Variants in HTR2C observed in about 807,000 individuals in gnomAD.
HTR2C encodes 5-hydroxytryptamine (serotonin) receptor 2C, G protein-coupled.
Under a neutral mutation model 21.0 loss-of-function variants are expected in HTR2C, and 5 were observed. The observed-to-expected ratio is 0.24, with a 90% CI of 0.12 to 0.50. HTR2C has a LOEUF of 0.50. HTR2C is among the 20% of genes least tolerant of loss of function. The probability of loss-of-function intolerance (pLI) is 0.98; values close to 1 mark genes in which losing one functional copy is unlikely to be tolerated. For synonymous variants in HTR2C, 150 were observed against 145.3 expected (o/e 1.03, Z -0.23); for missense variants, 271 against 371.2 (o/e 0.73, Z 2.22).
chrX:114,797,508 A>G (rs1473282494), intron 4 of HTR2C, among the ~76,000 whole-genome samples: 1 of 110,138 alleles, frequency 9.1e-6, no homozygotes, highest in Non-Finnish European at 1.9e-5. Context: ...AACCTATGCC[A>G]CAGTGTATAT....
chrX:114,849,802 A>C (rs1184510656), intron 5 of HTR2C, among the ~76,000 whole-genome samples: 1 of 112,134 alleles, frequency 8.9e-6, no homozygotes, highest in African/African-American at 3.2e-5. Context: ...ACAAACAAAA[A>C]AAACCCCATA....
chrX:114,666,559 A>G (rs1931186339), intron 2 of HTR2C, among the ~76,000 whole-genome samples: 1 of 111,674 alleles, frequency 9.0e-6, no homozygotes, highest in African/African-American at 3.2e-5. Context: ...CAAAAGTTAC[A>G]TTTTAGATTT....
intron 2 of HTR2C, among the ~76,000 whole-genome samples, chrX:114,726,263 G>T (rs1933472724): frequency 8.9e-6 from 1 of 112,403 alleles, no homozygotes; most frequent in Non-Finnish European, 1.9e-5. Flanking sequence ...ATTGGGGTGG[G>T]AGTGACCCGA....
chrX:114,737,463 G>A (rs782130433), intron 4 of HTR2C, among the ~76,000 whole-genome samples: 1 of 110,399 alleles, frequency 9.1e-6, no homozygotes, highest in Non-Finnish European at 1.9e-5. Context: ...CAAGTGATCC[G>A]CCCGCCTCAG....
intron 1 of HTR2C, among the ~76,000 whole-genome samples, chrX:114,591,294 T>C (rs372475787): frequency 1.8e-5 from 2 of 111,831 alleles, no homozygotes; most frequent in East Asian, 2.8e-4. Flanking sequence ...CTGGTGTCTC[T>C]CCAACAAATA....
At chrX:114,826,408 G>C (rs2070678735) in intron 4 of HTR2C, among the ~76,000 whole-genome samples, 1 of 111,603 alleles carries the variant, frequency 9.0e-6, no homozygotes, top group South Asian at 3.7e-4. Context: ...GCCACAAGTA[G>C]AAAATTTCTC....
intron 2 of HTR2C, among the ~76,000 whole-genome samples, chrX:114,687,481 T>C (rs1003979924): frequency 1.8e-5 from 2 of 112,050 alleles, no homozygotes; most frequent in Non-Finnish European, 1.9e-5. Context: ...TATTTGTAAT[T>C]CTTTTATCAA....
At chrX:114,745,556 G>C (rs1351350758) in intron 4 of HTR2C, among the ~76,000 whole-genome samples, 4 of 112,032 alleles carry the variant, frequency 3.6e-5, no homozygotes, top group African/African-American at 1.3e-4. Flanking sequence ...CAACCTAAAT[G>C]TCCACCAACA....
At chrX:114,761,385 G>C (rs1380127429) in intron 4 of HTR2C, among the ~76,000 whole-genome samples, 2 of 110,735 alleles carry the variant, frequency 1.8e-5, no homozygotes, top group Non-Finnish European at 3.8e-5. Context: ...CTAACCAACC[G>C]GTTAAGTATG....
intron 2 of HTR2C, among the ~76,000 whole-genome samples, chrX:114,630,359 AAAT>A (rs1199813932): frequency 8.9e-6 from 1 of 112,107 alleles, no homozygotes; most frequent in Non-Finnish European, 1.9e-5. Context: ...TAATTTGAAA[AAAT>A]AAAAAAGAGA....
chrX:114,806,201 CAT>C lies in HTR2C; in HGVS notation c.350-41794_350-41793del, dbSNP rs200765970. ...CCCTATATATACACCATATATATAC[CAT>C]ATATATACACTCTATATACCATATA... is the stretch of plus-strand genomic sequence containing the variant. On this transcript the variant is annotated intron_variant, in intron 4 of 5. Transcript: ENST00000276198. 5.7e-3 allele frequency among the ~76,000 whole-genome samples: 546 copies of C among 96,501 alleles called. 4 individuals are homozygous for C. The highest frequency in any genetic ancestry group is 0.019 in the African/African-American group (506 of 26,765). 83.8% of individuals were successfully genotyped at this position (96,501 alleles called of 115,157 possible). A position where few individuals can be genotyped will look rare whatever the true frequency, so the allele number is the denominator to read the frequency against.
chrX:114,779,568 A>G (rs2070095652), intron 4 of HTR2C, among the ~76,000 whole-genome samples: 1 of 111,527 alleles, frequency 9.0e-6, no homozygotes, highest in South Asian at 3.7e-4. Flanking sequence ...AAATCCTTCC[A>G]ACTCAAGCAG....
chrX:114,829,704 G>A (rs1427666666), intron 4 of HTR2C, among the ~76,000 whole-genome samples: 2 of 111,531 alleles, frequency 1.8e-5, no homozygotes, highest in African/African-American at 6.5e-5. Context: ...ATATCTACAT[G>A]CAATTTTCCC....
intron 4 of HTR2C, among the ~76,000 whole-genome samples, chrX:114,781,106 G>A (rs1383585231): frequency 9.0e-6 from 1 of 111,363 alleles, no homozygotes; most frequent in African/African-American, 3.3e-5. Context: ...AAGCTGAAGA[G>A]AGAATTCATA....
Position 114,726,978 on chromosome X carries a change from A to G in HTR2C, c.35+7A>G. The G allele has an allele frequency of 1.9e-6, 2 of 1,048,700 alleles. No homozygotes were observed. Among genetic ancestry groups the G allele is most frequent in the Non-Finnish European group, 2.6e-6 (2 of 783,392 alleles). The allele number at this position is 1,048,700 out of a possible 1,213,427, so 86.4% of individuals were successfully genotyped here. The stretch of plus-strand genomic sequence containing the variant: ...ATGCGGTGCATTCATTCCTGTAAGG[A>G]TGTTACTACTTATTATTTTAGTAAA... On this transcript the variant is annotated splice_region_variant and intron_variant, in intron 3 of 5. Coordinates refer to ENST00000276198, the MANE Select transcript of HTR2C (RefSeq NM_000868.4).
chrX:114,788,079 C>T (rs1317785165), intron 4 of HTR2C, among the ~76,000 whole-genome samples: 1 of 110,455 alleles, frequency 9.1e-6, no homozygotes, highest in African/African-American at 3.3e-5. Context: ...GGGATAAGTC[C>T]TGTTGTTGTT....
At chrX:114,683,118 C>T (rs1192780225) in intron 2 of HTR2C, among the ~76,000 whole-genome samples, 7 of 111,770 alleles carry the variant, frequency 6.3e-5, no homozygotes, top group Non-Finnish European at 9.4e-5. Flanking sequence ...TAATGAAACA[C>T]TTAAGCTTTG....
At chrX:114,814,722 T>C (rs1253027132) in intron 4 of HTR2C, among the ~76,000 whole-genome samples, 1 of 104,595 alleles carries the variant, frequency 9.6e-6, no homozygotes, top group Non-Finnish European at 1.9e-5. Context: ...ACAGAACATC[T>C]ATCAAGTTTC....
At chrX:114,806,412 A>T (rs1393555886) in intron 4 of HTR2C, among the ~76,000 whole-genome samples, 2 of 22,189 alleles carry the variant, frequency 9.0e-5, no homozygotes, top group Non-Finnish European at 1.8e-4. Flanking sequence ...TATACACCAT[A>T]TATATATACT....
Sources: allele counts gnomAD v4.1 joint callset (sites outside exome capture counted in the v4.1 genomes callset), GRCh38; gene constraint gnomAD v4.1.1; transcripts MANE v1.5; gene names NCBI Gene and HGNC (gene_info 2026-07-23, HGNC 2026-07-21).